Variants in TMEM114 observed in about 807,000 individuals in gnomAD.
TMEM114 encodes the protein transmembrane protein 114, also known as claudin-26.
A neutral mutation model predicts 6.2 loss-of-function variants in TMEM114; 6 were observed. The ratio of observed to expected loss-of-function variants is 0.97; its 90% CI spans 0.53 to 1.91. The LOEUF is 1.91. TMEM114 is among the 40% of genes most tolerant of loss of function. TMEM114 has a pLI of 0.01. For missense variants in TMEM114, 218 were observed against 158.3 expected, an observed-to-expected ratio of 1.38 and a Z score of -2.02; for synonymous variants, 104 against 73.0, an observed-to-expected ratio of 1.42 and a Z score of -2.16.
chr16:8,574,582 C>CTTCTTACT (rs1555465158), intron 2 of TMEM114, among the ~76,000 whole-genome samples: 2 of 142,462 alleles, frequency 1.4e-5, no homozygotes, highest in Non-Finnish European at 3.1e-5. Flanking sequence ...TCCTTCCTTC[C>CTTCTTACT]TTCTTTCTTT....
At chr16:8,530,346 CGTGA>C in the TMEM114 span, among the ~76,000 whole-genome samples, 1 of 152,156 alleles carries the variant, frequency 6.6e-6, no homozygotes, top group Non-Finnish European at 1.5e-5. Context: ...GGACCTTGGA[CGTGA>C]CCCTTTCAGT....
At chr16:8,551,116 G>T (rs904540419) in intron 2 of TMEM114, among the ~76,000 whole-genome samples, 3 of 152,184 alleles carry the variant, frequency 2.0e-5, no homozygotes, top group African/African-American at 7.2e-5. Flanking sequence ...TGCGGTCTCT[G>T]GCACTGGAGG....
At chr16:8,588,647 C>T (rs1285104329) in intron 2 of TMEM114, among the ~76,000 whole-genome samples, 3 of 152,172 alleles carry the variant, frequency 2.0e-5, no homozygotes, top group African/African-American at 2.4e-5. Context: ...ATAAGAGGGA[C>T]GCAGTGGACC....
intron 2 of TMEM114, among the ~76,000 whole-genome samples, chr16:8,578,687 T>A (rs1463442105): frequency 1.3e-5 from 2 of 152,080 alleles, no homozygotes; most frequent in East Asian, 3.9e-4. Flanking sequence ...ACTAGTAATA[T>A]TAAAATGTTG....
chr16:8,564,015 AT>A (rs1455955071), intron 2 of TMEM114, among the ~76,000 whole-genome samples: 4 of 141,496 alleles, frequency 2.8e-5, no homozygotes, highest in Admixed American at 2.8e-4. Context: ...GTGAATGAGT[AT>A]GTGAATGAGT....
chr16:8,550,435 C>T (rs998703906), intron 2 of TMEM114, among the ~76,000 whole-genome samples: 1 of 152,082 alleles, frequency 6.6e-6, no homozygotes, highest in African/African-American at 2.4e-5. Context: ...AATTCCAGCA[C>T]TTTGGGAGGC....
chr16:8,557,993 C>G (rs1901068432), intron 2 of TMEM114, among the ~76,000 whole-genome samples: 1 of 152,186 alleles, frequency 6.6e-6, no homozygotes, highest in African/African-American at 2.4e-5. Context: ...GTGGCTCACA[C>G]CTGTAATCCC....
intron 2 of TMEM114, among the ~76,000 whole-genome samples, chr16:8,556,593 C>A (rs879942574): frequency 6.6e-6 from 1 of 152,046 alleles, no homozygotes; most frequent in African/African-American, 2.4e-5. Flanking sequence ...CCTCCGCCTC[C>A]CGAGATCAAG....
chr16:8,566,897 G>GTTTTT (rs71150402), downstream of TMEM114, among the ~76,000 whole-genome samples: 6 of 98,316 alleles, frequency 6.1e-5, no homozygotes, highest in Admixed American at 1.3e-4. Flanking sequence ...CATCACCCTG[G>GTTTTT]TTTTTTTTTT....
chr16:8,580,801 C>T (rs1311615794), intron 2 of TMEM114, among the ~76,000 whole-genome samples: 2 of 152,160 alleles, frequency 1.3e-5, no homozygotes, highest in Non-Finnish European at 1.5e-5. Context: ...AAGCAACCCC[C>T]GACTTCAGCC....
chr16:8,575,122 A>G (rs1053987117), intron 2 of TMEM114, among the ~76,000 whole-genome samples: 1 of 152,158 alleles, frequency 6.6e-6, no homozygotes, highest in African/African-American at 2.4e-5. Context: ...AGTGGTGGAT[A>G]TGTAGTTTCA....
chr16:8,570,392 T>TCTCAGCTTGCA (rs1901694723), intron 3 of TMEM114, among the ~76,000 whole-genome samples: 7 of 151,774 alleles, frequency 4.6e-5, no homozygotes, highest in Non-Finnish European at 8.8e-5. Flanking sequence ...CTCAGCTTGC[T>TCTCAGCTTGCA]GCGATCTCAG....
At chr16:8,582,193 G>T (rs1211042176) in intron 2 of TMEM114, among the ~76,000 whole-genome samples, 1 of 152,200 alleles carries the variant, frequency 6.6e-6, no homozygotes, top group Non-Finnish European at 1.5e-5. Context: ...GGCATGCTGT[G>T]TTGGACAAGG....
intron 2 of TMEM114, among the ~76,000 whole-genome samples, chr16:8,558,990 A>G (rs7499955): frequency 0.46 from 69,264 of 150,376 alleles, 16,539 homozygotes; most frequent in African/African-American, 0.58. Flanking sequence ...TAATCCACCC[A>G]CCTCAGCCTC....
chr16:8,569,853 C>T lies in TMEM114; in HGVS notation c.592G>A (p.Ala198Thr), dbSNP rs1210403623. The T allele has an allele frequency of 6.4e-6, 10 of 1,551,062 alleles. No individual in the cohort carries two copies. The highest frequency in any genetic ancestry group is 2.0e-5 in the Admixed American group (1 of 51,012). The change falls in exon 4 of 4, where the codon GCC becomes ACC. Residue 198 changes from alanine to threonine, a missense_variant. Coordinates refer to ENST00000620492, the MANE Select transcript of TMEM114 (RefSeq NM_001146336.2). Reference protein sequence around the residue: ...SLALGWISFIAELLTGAAFLA... With the variant: ...SLALGWISFITELLTGAAFLA... ...AAGGCTGCCCCGGTGAGCAGCTCGG[C>T]GATGAAGCTGATCCAGCCCAGGGCC...
At chr16:8,549,992 G>A (rs931401527) in intron 2 of TMEM114, among the ~76,000 whole-genome samples, 1 of 152,184 alleles carries the variant, frequency 6.6e-6, no homozygotes, top group Non-Finnish European at 1.5e-5. Context: ...CCTTCAGTCT[G>A]TAGCCAAAGG....
chr16:8,560,700 A>G (rs977413208), intron 2 of TMEM114, among the ~76,000 whole-genome samples: 1 of 152,112 alleles, frequency 6.6e-6, no homozygotes, highest in Non-Finnish European at 1.5e-5. Context: ...TCTGTCATTC[A>G]GGGCATGAGA....
chr16:8,547,690 C>T (rs1900714576), intron 2 of TMEM114, among the ~76,000 whole-genome samples: 1 of 152,158 alleles, frequency 6.6e-6, no homozygotes, highest in South Asian at 2.1e-4. Flanking sequence ...CGCACCCAGC[C>T]AGCACGCTCT....
At chr16:8,571,663 A>T (rs895918167) in intron 3 of TMEM114, among the ~76,000 whole-genome samples, 1 of 146,656 alleles carries the variant, frequency 6.8e-6, no homozygotes, top group African/African-American at 2.5e-5. Context: ...TAGAAAGATC[A>T]TGAGGTGTTT....
Sources: allele counts gnomAD v4.1 joint callset (sites outside exome capture counted in the v4.1 genomes callset), GRCh38; gene constraint gnomAD v4.1.1; transcripts MANE v1.5; gene names NCBI Gene and HGNC (gene_info 2026-07-23, HGNC 2026-07-21).